Variants in ENTHD1 observed in about 807,000 individuals in gnomAD.
The protein encoded by ENTHD1 is ENTH domain containing 1, also known as ENTH domain-containing protein 1.
A neutral mutation model predicts 39.1 loss-of-function variants in ENTHD1; 23 were observed. The observed-to-expected ratio is 0.59, with a 90% CI of 0.42 to 0.83. The LOEUF is 0.83. Among genes scored for constraint, ENTHD1 ranks in the 40% least tolerant of loss-of-function variants. ENTHD1 has a pLI of 0.00. For synonymous variants in ENTHD1, 230 were observed against 258.2 expected (o/e 0.89, Z 1.05); for missense variants, 624 against 705.4 (o/e 0.88, Z 1.31).
At chr22:39,866,214 C>CA (rs2066180686) in intron 2 of ENTHD1, among the ~76,000 whole-genome samples, 1 of 151,780 alleles carries the variant, frequency 6.6e-6, no homozygotes, top group African/African-American at 2.4e-5. Flanking sequence ...CCCAAACAAA[C>CA]AAAAAAAGGA....
chr22:39,821,044 G>C lies in ENTHD1; in HGVS notation c.781C>G (p.Pro261Ala). ...TCTGCTTCTGACAAGCAAGTGATTG[G>C]AGAGACAATGGAAGGAGGTGTTGCT... ...LLATPPSIVS[P>A]ITCLSEAEEV... Residue 261 changes from proline to alanine, a missense_variant, in exon 5 of 7, where the codon CCA becomes GCA. Transcript: ENST00000325157. The C allele has an allele frequency of 6.2e-7, 1 of 1,614,060 alleles. No individual in the cohort carries two copies. The highest frequency in any genetic ancestry group is 8.5e-7 in the Non-Finnish European group (1 of 1,179,966).
chr22:39,889,368 T>C (rs1849718784), intron 1 of ENTHD1, among the ~76,000 whole-genome samples: 1 of 152,226 alleles, frequency 6.6e-6, no homozygotes, highest in African/African-American at 2.4e-5. Context: ...ATTCAGTTTA[T>C]AGGAAACCAT....
intron 3 of ENTHD1, among the ~76,000 whole-genome samples, chr22:39,846,237 G>A (rs980400770): frequency 6.6e-6 from 1 of 152,180 alleles, no homozygotes; most frequent in African/African-American, 2.4e-5. Flanking sequence ...GTCTTGGTCT[G>A]TCACCCAGAT....
intron 2 of ENTHD1, among the ~76,000 whole-genome samples, chr22:39,862,561 A>G (rs946285773): frequency 2.5e-4 from 36 of 143,504 alleles, no homozygotes; most frequent in Non-Finnish European, 3.8e-4. Flanking sequence ...AAAAAAAAAA[A>G]AAGAAAGAAA....
intron 6 of ENTHD1, among the ~76,000 whole-genome samples, chr22:39,748,187 T>G (rs1243129907): frequency 6.7e-6 from 1 of 149,160 alleles, no homozygotes; most frequent in East Asian, 2.0e-4. Flanking sequence ...AGTTTGAGGC[T>G]GCAGTGAGCC....
At chr22:39,834,535 G>T (rs527431473) in intron 4 of ENTHD1, among the ~76,000 whole-genome samples, 2 of 152,198 alleles carry the variant, frequency 1.3e-5, no homozygotes, top group South Asian at 4.1e-4. Flanking sequence ...CATTGCTCAT[G>T]GGAATATAAA....
At chr22:39,766,610 G>T (rs919972822) in intron 5 of ENTHD1, among the ~76,000 whole-genome samples, 5 of 152,312 alleles carry the variant, frequency 3.3e-5, no homozygotes, top group South Asian at 2.1e-4. Context: ...CCCAAAAGAG[G>T]ACGCAGAAAT....
chr22:39,761,381 T>A (rs1211685408), intron 6 of ENTHD1, among the ~76,000 whole-genome samples: 3 of 152,232 alleles, frequency 2.0e-5, no homozygotes, highest in African/African-American at 7.2e-5. Flanking sequence ...GGAATTCAGC[T>A]GTCCAACTAT....
intron 5 of ENTHD1, among the ~76,000 whole-genome samples, chr22:39,803,704 G>T (rs2065617257): frequency 6.6e-6 from 1 of 152,154 alleles, no homozygotes; most frequent in Non-Finnish European, 1.5e-5. Context: ...TCTGGGTTTT[G>T]ACTCTAATTT....
intron 3 of ENTHD1, among the ~76,000 whole-genome samples, chr22:39,851,377 A>G (rs767291726): frequency 5.3e-5 from 8 of 152,202 alleles, no homozygotes; most frequent in Non-Finnish European, 8.8e-5. Flanking sequence ...CAGTCCTAAT[A>G]ATCTCTTGAT....
At chr22:39,850,413 A>G (rs1320542290) in intron 3 of ENTHD1, among the ~76,000 whole-genome samples, 2 of 152,048 alleles carry the variant, frequency 1.3e-5, no homozygotes, top group Non-Finnish European at 2.9e-5. Flanking sequence ...ACCTTTTTCC[A>G]TACATTGCTT....
intron 4 of ENTHD1, among the ~76,000 whole-genome samples, chr22:39,833,268 G>A (rs1298946152): frequency 6.6e-6 from 1 of 152,032 alleles, no homozygotes; most frequent in African/African-American, 2.4e-5. Context: ...AGCTGATAGG[G>A]AGCAGACAGA....
At chr22:39,800,093 A>G (rs2065586696) in intron 5 of ENTHD1, among the ~76,000 whole-genome samples, 1 of 152,136 alleles carries the variant, frequency 6.6e-6, no homozygotes, top group Non-Finnish European at 1.5e-5. Flanking sequence ...GGGGACCACA[A>G]GGTTGAGGAG....
intron 2 of ENTHD1, among the ~76,000 whole-genome samples, chr22:39,881,809 C>G (rs1052668900): frequency 1.3e-5 from 2 of 152,156 alleles, no homozygotes; most frequent in Non-Finnish European, 2.9e-5. Flanking sequence ...TCTAATAAGA[C>G]TTTCTGAGAA....
intron 5 of ENTHD1, among the ~76,000 whole-genome samples, chr22:39,780,125 G>A (rs2065396581): frequency 6.6e-6 from 1 of 152,106 alleles, no homozygotes; most frequent in Non-Finnish European, 1.5e-5. Flanking sequence ...TGTAACTCCA[G>A]GACTTTGGGA....
intron 6 of ENTHD1, among the ~76,000 whole-genome samples, chr22:39,749,426 C>T (rs764507429): frequency 5.3e-5 from 8 of 152,208 alleles, no homozygotes; most frequent in Non-Finnish European, 8.8e-5. Context: ...ACTTATTATA[C>T]TCATAAATAA....
At chr22:39,857,996 A>G (rs1470891923) in intron 3 of ENTHD1, among the ~76,000 whole-genome samples, 1 of 152,172 alleles carries the variant, frequency 6.6e-6, no homozygotes, top group African/African-American at 2.4e-5. Context: ...GCAATTTTTT[A>G]AAGTAAGACA....
intron 2 of ENTHD1, 62 bp downstream of exon 2, chr22:39,887,338 T>C (rs961060133): frequency 2.8e-6 from 4 of 1,420,458 alleles, no homozygotes; most frequent in South Asian, 2.7e-5. Flanking sequence ...CAGCCTCCCA[T>C]GCACCAGGAT....
intron 3 of ENTHD1, among the ~76,000 whole-genome samples, chr22:39,840,118 G>C (rs2065933022): frequency 6.6e-6 from 1 of 152,286 alleles, no homozygotes; most frequent in South Asian, 2.1e-4. Context: ...GTTCCTTATA[G>C]TTCCTTAGTG....
Sources: allele counts gnomAD v4.1 joint callset (sites outside exome capture counted in the v4.1 genomes callset), GRCh38; gene constraint gnomAD v4.1.1; transcripts MANE v1.5; gene names NCBI Gene and HGNC (gene_info 2026-07-23, HGNC 2026-07-21).